The following PALLD variants were observed in gnomAD, a reference collection of about 807,000 sequenced individuals.
The protein encoded by PALLD is palladin.
In PALLD, 61 loss-of-function variants were observed where a neutral mutation model predicts 123.5. That is an observed-to-expected ratio of 0.49 (90% CI 0.40 to 0.61). The LOEUF is 0.61. PALLD is among the 20% of genes least tolerant of loss of function. PALLD has a pLI of 0.00. For synonymous variants in PALLD, 465 were observed against 496.4 expected, an observed-to-expected ratio of 0.94 and a Z score of 0.84; for missense variants, 1,273 against 1,377.0, an observed-to-expected ratio of 0.92 and a Z score of 1.20.
rs146522548 is a variant in PALLD at position 168,893,784 on chromosome 4, C to T, written c.2101-795C>T. On this transcript the variant is annotated intron_variant, in intron 11 of 21. Coordinates refer to ENST00000505667, the MANE Select transcript of PALLD (RefSeq NM_001166108.2). ...ATGTATAAGAATGGCATAGGTAAAA[C>T]GGTTTGGGCCAATTCCAAAGTGCTA... Among the ~76,000 whole-genome samples the T allele has an allele frequency of 5.4e-3, 822 of 152,284 alleles. 9 individuals carry two copies. The highest frequency in any genetic ancestry group is 0.019 in the South Asian group (92 of 4,820).
intron 14 of PALLD, among the ~76,000 whole-genome samples, chr4:168,901,612 C>T (rs939323132): frequency 1.3e-5 from 2 of 152,158 alleles, no homozygotes; most frequent in Non-Finnish European, 2.9e-5. Context: ...AATCCCAGCA[C>T]TTTGGGAGGC....
At position 168,769,788 on chromosome 4, in the gene PALLD, G is replaced by A. The variant is rs184647214; in HGVS notation, c.1964+57865G>A. 2.5e-3 allele frequency among the ~76,000 whole-genome samples: 380 copies of A among 152,314 alleles called. 2 individuals are homozygous for A. The highest frequency in any genetic ancestry group is 8.6e-3 in the African/African-American group (356 of 41,560). On this transcript the variant is annotated intron_variant, in intron 10 of 21. Coordinates refer to ENST00000505667, the MANE Select transcript of PALLD (RefSeq NM_001166108.2). ...ATGTTGAAAGGGCCAGAGGGCAGGA[G>A]GGATGAAATTTGTGTTTCCATTGAG...
At chr4:168,827,439 C>T (rs1215477019) in intron 10 of PALLD, among the ~76,000 whole-genome samples, 2 of 152,212 alleles carry the variant, frequency 1.3e-5, no homozygotes, top group Non-Finnish European at 2.9e-5. Context: ...TAAAATGTTA[C>T]ACTTAATTAC....
chr4:168,753,198 A>C (rs1197349849), intron 10 of PALLD, among the ~76,000 whole-genome samples: 1 of 152,140 alleles, frequency 6.6e-6, no homozygotes, highest in Admixed American at 6.5e-5. Flanking sequence ...TCAATAAACT[A>C]ATCCCCACCT....
chr4:168,800,249 T>G (rs1196046162), intron 10 of PALLD, among the ~76,000 whole-genome samples: 1 of 152,150 alleles, frequency 6.6e-6, no homozygotes, highest in African/African-American at 2.4e-5. Flanking sequence ...AGGAAAAATT[T>G]GATAAGTAGT....
chr4:168,841,473 G>A (rs1285000145), intron 10 of PALLD, among the ~76,000 whole-genome samples: 2 of 152,216 alleles, frequency 1.3e-5, no homozygotes, highest in Admixed American at 6.5e-5. Context: ...GGAAAAGTGC[G>A]GTTGGCTTAC....
chr4:168,638,887 G>A (rs1022046879), intron 2 of PALLD, among the ~76,000 whole-genome samples: 5 of 151,954 alleles, frequency 3.3e-5, no homozygotes, highest in Non-Finnish European at 5.9e-5. Flanking sequence ...ACACTCCACC[G>A]TCTCCTCTCT....
chr4:168,546,156 G>A (rs1203236313), intron 2 of PALLD, among the ~76,000 whole-genome samples: 2 of 152,112 alleles, frequency 1.3e-5, no homozygotes, highest in Admixed American at 6.5e-5. Flanking sequence ...ACGAATTACT[G>A]TGTGTATTCA....
At chr4:168,808,304 C>A (rs1296696606) in intron 10 of PALLD, among the ~76,000 whole-genome samples, 1 of 151,456 alleles carries the variant, frequency 6.6e-6, no homozygotes, top group Non-Finnish European at 1.5e-5. Context: ...CATGGTGAAA[C>A]CCTGTCTCTA....
intron 2 of PALLD, among the ~76,000 whole-genome samples, chr4:168,568,777 A>G (rs1018306635): frequency 4.0e-5 from 6 of 150,452 alleles, no homozygotes; most frequent in Non-Finnish European, 5.9e-5. Context: ...AAATATTTAT[A>G]TATGCATATT....
intron 11 of PALLD, 105 bp downstream of exon 11, chr4:168,891,162 T>TC: frequency 1.9e-6 from 2 of 1,077,264 alleles, no homozygotes; most frequent in Non-Finnish European, 2.9e-6. Flanking sequence ...ACATCATCAT[T>TC]ATTATTATTA....
At chr4:168,531,863 C>A (rs1764636690) in intron 2 of PALLD, among the ~76,000 whole-genome samples, 1 of 152,156 alleles carries the variant, frequency 6.6e-6, no homozygotes, top group South Asian at 2.1e-4. Flanking sequence ...TGGAGTTTTA[C>A]AGGGGAAGGG....
intron 2 of PALLD, among the ~76,000 whole-genome samples, chr4:168,653,775 A>G (rs1471202307): frequency 1.3e-5 from 2 of 152,086 alleles, no homozygotes; most frequent in Non-Finnish European, 2.9e-5. Flanking sequence ...AGTGCAGCTC[A>G]CTGCAACCTC....
chr4:168,520,645 G>A (rs557116844), intron 2 of PALLD, among the ~76,000 whole-genome samples: 1 of 152,278 alleles, frequency 6.6e-6, no homozygotes, highest in East Asian at 1.9e-4. Flanking sequence ...GAATAATTCA[G>A]AATCCAGCAA....
chr4:168,922,079 T>C (rs1560930508), intron 18 of PALLD, among the ~76,000 whole-genome samples: 1 of 132,868 alleles, frequency 7.5e-6, no homozygotes, highest in Non-Finnish European at 1.5e-5. Context: ...ATATAAAGTT[T>C]TATATTTATA....
chr4:168,544,873 G>A (rs1246943922), intron 2 of PALLD, among the ~76,000 whole-genome samples: 2 of 152,140 alleles, frequency 1.3e-5, no homozygotes, highest in Non-Finnish European at 2.9e-5. Context: ...GTCATCCCCA[G>A]GGAAACAACG....
intron 10 of PALLD, among the ~76,000 whole-genome samples, chr4:168,849,005 G>A (rs934100663): frequency 6.6e-6 from 1 of 152,172 alleles, no homozygotes; most frequent in Admixed American, 6.5e-5. Context: ...CCTGCAGGCT[G>A]TGAGAATTTT....
rs753395522 is a variant in PALLD at position 168,511,728 on chromosome 4, T to C, written c.224T>C (p.Leu75Pro). ...ATTTTCAGTACTTCTCCTGCAAGCC[T>C]CTGTGAACATCCTTCCCATAAGGAG... Reference protein sequence around the residue: ...SQIFSTSPASLCEHPSHKETK... With the variant: ...SQIFSTSPASPCEHPSHKETK... Residue 75 changes from leucine to proline, a missense_variant, in exon 2 of 22, where the codon CTC (leucine) becomes CCC (proline). By Grantham distance (98) the Leu-to-Pro change is moderately conservative (BLOSUM62 -3). Transcript: ENST00000505667. The C allele has an allele frequency of 1.1e-5, 18 of 1,614,080 alleles. No individual in the cohort carries two copies. The highest frequency in any genetic ancestry group is 1.7e-5 in the Admixed American group (1 of 60,014).
At chr4:168,662,220 TGTCCGAGGGGG>T (rs1478466171) in intron 2 of PALLD, among the ~76,000 whole-genome samples, 1 of 152,148 alleles carries the variant, frequency 6.6e-6, no homozygotes, top group Non-Finnish European at 1.5e-5. Context: ...AATGAATAAA[TGTCCGAGGGGG>T]TTCTCAAGTC....
Sources: allele counts gnomAD v4.1 joint callset (sites outside exome capture counted in the v4.1 genomes callset), GRCh38; gene constraint gnomAD v4.1.1; transcripts MANE v1.5; gene names NCBI Gene and HGNC (gene_info 2026-07-23, HGNC 2026-07-21).